Variants in AGMO observed in about 807,000 individuals in gnomAD.
AGMO encodes glyceryl-ether monooxygenase.
In AGMO, 75 loss-of-function variants were observed where a neutral mutation model predicts 60.2. That is an observed-to-expected ratio of 1.25 (90% CI 1.03 to 1.51). The LOEUF is 1.51. Ranked by LOEUF, AGMO falls within the 40% of genes most tolerant of loss-of-function variation. AGMO has a pLI of 0.00. For missense variants in AGMO, 763 were observed against 525.5 expected (o/e 1.45, Z -4.42); for synonymous variants, 261 against 177.1 (o/e 1.47, Z -3.76).
chr7:15,558,515 G>T (rs1316522670), intron 2 of AGMO, among the ~76,000 whole-genome samples: 2 of 151,786 alleles, frequency 1.3e-5, no homozygotes, highest in Non-Finnish European at 2.9e-5. Context: ...TGTTTTTCTT[G>T]TTCATTTCTG....
intron 12 of AGMO, among the ~76,000 whole-genome samples, chr7:15,288,238 T>C (rs1784157237): frequency 1.3e-5 from 2 of 152,112 alleles, no homozygotes; most frequent in Admixed American, 6.5e-5. Context: ...TTCACCGTGT[T>C]AGCCAGGATG....
intron 12 of AGMO, among the ~76,000 whole-genome samples, chr7:15,317,385 A>G: frequency 6.6e-6 from 1 of 152,146 alleles, no homozygotes. Context: ...GCCTATATTT[A>G]GTGTTGGGAC....
chr7:15,170,735 CT>C, the AGMO span, among the ~76,000 whole-genome samples: 2 of 151,966 alleles, frequency 1.3e-5, no homozygotes, highest in Non-Finnish European at 2.9e-5. Flanking sequence ...TTCATATCAC[CT>C]TAGTTTTTTC....
chr7:15,128,231 G>A, the AGMO span, among the ~76,000 whole-genome samples: 2 of 152,008 alleles, frequency 1.3e-5, no homozygotes, highest in African/African-American at 4.8e-5. Context: ...AGACGTGCTT[G>A]GTTTCCCAGG....
At chr7:15,406,602 T>A (rs986926270) in intron 5 of AGMO, among the ~76,000 whole-genome samples, 1 of 99,754 alleles carries the variant, frequency 1.0e-5, no homozygotes, top group African/African-American at 4.3e-5. Context: ...ATATTCCATA[T>A]AAGTACACAT....
intron 12 of AGMO, among the ~76,000 whole-genome samples, chr7:15,307,078 C>G (rs1336828108): frequency 6.6e-6 from 1 of 151,896 alleles, no homozygotes; most frequent in Admixed American, 6.6e-5. Context: ...TGTAATTTTG[C>G]AGTTCACCCA....
intron 5 of AGMO, among the ~76,000 whole-genome samples, chr7:15,414,473 C>CAA (rs1388796311): frequency 7.3e-6 from 1 of 136,180 alleles, no homozygotes; most frequent in Non-Finnish European, 1.7e-5. Context: ...AATAGACACA[C>CAA]ATACACACAC....
rs181952789 is a variant in AGMO at position 15,273,845 on chromosome 7, G to C, written c.1264-72486C>G. Among the ~76,000 whole-genome samples, 1,404 of 152,264 alleles carry C rather than the reference G, an allele frequency of 9.2e-3. 17 individuals carry two copies. The highest frequency in any genetic ancestry group is 0.032 in the African/African-American group (1,322 of 41,544). On this transcript the variant is annotated intron_variant, in intron 12 of 12. Coordinates refer to ENST00000342526, the MANE Select transcript of AGMO (RefSeq NM_001004320.2). The stretch of plus-strand genomic sequence containing the variant: ...TTTGAAGAGGTCCTTCACATCCCTT[G>C]TAAGTTGGATTCCTAGGTATTTTGT...
At position 15,337,185 on chromosome 7, in the gene AGMO, T is replaced by C. The variant is rs1247647676; in HGVS notation, c.1263+28329A>G. On this transcript the variant is annotated intron_variant, in intron 12 of 12. Transcript: ENST00000342526. ...ATTGCAACTACAGGCTTTCTAAAGT[T>C]TGGAGTCAAGCATGACCACTCTTTC... 3.3e-5 allele frequency among the ~76,000 whole-genome samples: 5 copies of C among 152,120 alleles called. No individual in the cohort carries two copies. In the East Asian group the frequency reaches 9.6e-4, roughly 29 times the overall value.
At chr7:15,342,170 G>C (rs1369934173) in intron 12 of AGMO, among the ~76,000 whole-genome samples, 1 of 33,558 alleles carries the variant, frequency 3.0e-5, no homozygotes, top group Admixed American at 3.4e-4. Flanking sequence ...TACCCACAGA[G>C]TTAAAAAAAA....
Position 15,445,021 on chromosome 7 carries a change from T to A in AGMO, c.410-13913A>T, listed in dbSNP as rs1354557817. Among the ~76,000 whole-genome samples, 7 of 152,336 alleles carry A rather than the reference T, an allele frequency of 4.6e-5. No homozygotes were observed. The South Asian group carries it at 1.5e-3, about 32-fold the overall frequency. On this transcript the variant is annotated intron_variant, in intron 3 of 12. Transcript: ENST00000342526. ...ATTGTATCTTTCTGATTTCTCTTTA[T>A]GTATTTGTGAAGTTCTTAGCACATA...
In AGMO at chr7:15,472,637, T is replaced by C. The variant is rs533593421; in HGVS notation, c.410-41529A>G. Among the ~76,000 whole-genome samples the C allele has an allele frequency of 3.9e-5, 6 of 151,974 alleles. No homozygotes were observed. In the South Asian group the frequency reaches 6.2e-4, roughly 16 times the overall value. On this transcript the variant is annotated intron_variant, in intron 3 of 12. Transcript: ENST00000342526. ...AAACGTCACAGTTAATTTAAAATTA[T>C]TTTGATTCAGAAAAACATACTTGTT...
intron 12 of AGMO, among the ~76,000 whole-genome samples, chr7:15,286,193 G>A (rs1784092405): frequency 6.6e-6 from 1 of 151,802 alleles, no homozygotes; most frequent in Non-Finnish European, 1.5e-5. Flanking sequence ...AAGACCCCAA[G>A]AGCAAATGCA....
chr7:15,332,908 T>C (rs773647658), intron 12 of AGMO, among the ~76,000 whole-genome samples: 3 of 152,198 alleles, frequency 2.0e-5, no homozygotes, highest in Non-Finnish European at 2.9e-5. Context: ...CATTATGGTA[T>C]ACATTTCATG....
At chr7:15,482,185 C>G (rs1243016721) in intron 3 of AGMO, among the ~76,000 whole-genome samples, 1 of 150,960 alleles carries the variant, frequency 6.6e-6, no homozygotes, top group Non-Finnish European at 1.5e-5. Flanking sequence ...TAAAAAGAAA[C>G]AGGAAACAAA....
intron 12 of AGMO, among the ~76,000 whole-genome samples, chr7:15,236,390 T>A (rs186289167): frequency 7.2e-5 from 11 of 152,256 alleles, no homozygotes. Flanking sequence ...GGAGGACATA[T>A]AATGATTATG....
intron 3 of AGMO, among the ~76,000 whole-genome samples, chr7:15,499,038 C>T (rs1783308965): frequency 6.6e-6 from 1 of 151,856 alleles, no homozygotes; most frequent in South Asian, 2.1e-4. Context: ...TCTTCTTATT[C>T]TTGTGTTTAA....
the AGMO span, among the ~76,000 whole-genome samples, chr7:15,136,295 G>C: frequency 2.2e-3 from 329 of 151,318 alleles, 5 homozygotes; most frequent in Non-Finnish European, 2.2e-4. Flanking sequence ...GCCTGGCCTA[G>C]TATCATATCT....
At chr7:15,560,850 A>C (rs1785284199) in intron 1 of AGMO, among the ~76,000 whole-genome samples, 1 of 152,212 alleles carries the variant, frequency 6.6e-6, no homozygotes, top group Non-Finnish European at 1.5e-5. Context: ...AGATGTTTTG[A>C]AAGCTCCACT....
Sources: allele counts gnomAD v4.1 joint callset (sites outside exome capture counted in the v4.1 genomes callset), GRCh38; gene constraint gnomAD v4.1.1; transcripts MANE v1.5; gene names NCBI Gene and HGNC (gene_info 2026-07-23, HGNC 2026-07-21).